TAS1R2: variants seen among roughly 807,000 people sequenced by gnomAD.
TAS1R2 encodes the protein taste receptor type 1 member 2.
In TAS1R2, 47 loss-of-function variants were observed where a neutral mutation model predicts 49.3. That is an observed-to-expected ratio of 0.95 (90% CI 0.75 to 1.22). The LOEUF is 1.22. Ranked by LOEUF, TAS1R2 falls within the 50% of genes most tolerant of loss-of-function variation. TAS1R2 has a pLI of 0.00. For synonymous variants in TAS1R2, 479 were observed against 467.9 expected, an observed-to-expected ratio of 1.02 and a Z score of -0.31; for missense variants, 1,155 against 1,122.1, an observed-to-expected ratio of 1.03 and a Z score of -0.42.
At chr1:18,839,865 G>A (rs558748408) in exon 6 of TAS1R2, 7 of 1,614,236 alleles carry the variant, frequency 4.3e-6, no homozygotes, top group African/African-American at 2.7e-5. Context: ...TTGGTGGGCA[G>A]CTCTTTGCCC....
At chr1:18,840,673 C>T in intron 5 of TAS1R2, 146 bp from the exon 6 acceptor site, 2 of 765,240 alleles carry the variant, frequency 2.6e-6, no homozygotes, top group South Asian at 1.8e-5. Context: ...CCTCAAGTCT[C>T]ATGTGCATTG....
chr1:18,839,780 A>AT lies in TAS1R2; in HGVS notation c.2338dup (p.Met780AsnfsTer?). The stretch of plus-strand genomic sequence containing the variant: ...GACCAGCACCCCGCTGTAGGCAGAC[A>AT]TGAAGGTGCAGAGGGAGACGGATGA... On this transcript the variant is annotated frameshift_variant, in exon 6 of 6. Transcript: ENST00000375371. LOFTEE classifies it high-confidence loss of function. 6.2e-7 allele frequency: 1 copy of AT among 1,614,252 alleles called. No individual in the cohort carries two copies. The highest frequency in any genetic ancestry group is 8.5e-7 in the Non-Finnish European group (1 of 1,180,044).
chr1:18,848,543 T>G (rs1933963489), intron 4 of TAS1R2, among the ~76,000 whole-genome samples: 1 of 135,274 alleles, frequency 7.4e-6, no homozygotes, highest in South Asian at 2.5e-4. Context: ...CCAGTACCAG[T>G]CTGTGGCCTG....
In TAS1R2 at chr1:18,854,769, A is replaced by T. The variant is rs752374810; in HGVS notation, c.701T>A (p.Ile234Asn). ...TGTGGGCAGCGTCTCCTGGAAGGCG[A>T]TGCAGATGTCGCGCCGGGCCACGCG... is the stretch of plus-strand genomic sequence containing the variant. The change falls in exon 3 of 6, where the codon ATC (isoleucine) becomes AAC (asparagine). Residue 234 changes from isoleucine to asparagine, a missense_variant. Physicochemically the swap from Ile to Asn is moderately radical, Grantham distance 149. Transcript: ENST00000375371. The surrounding 1 kb of genome is among the most constrained non-coding windows in gnomAD (Gnocchi z 4.9). 1 of 1,609,318 alleles carries T rather than the reference A, an allele frequency of 6.2e-7. No homozygotes were observed. The highest frequency in any genetic ancestry group is 8.5e-7 in the Non-Finnish European group (1 of 1,179,450).
rs113644277 is a variant in TAS1R2, at chr1:18,844,410, A to T, written c.1468-2558T>A. Among the ~76,000 whole-genome samples the T allele has an allele frequency of 9.8e-4, 150 of 152,308 alleles. 1 individual carries two copies. The highest frequency in any genetic ancestry group is 3.6e-3 in the African/African-American group (150 of 41,566). The stretch of plus-strand genomic sequence containing the variant: ...ATGAAGATCTCTGTGTCTCATGTTA[A>T]TGCAAACCAGAGAGCAAACACAGAG... On this transcript the variant is annotated intron_variant, in intron 4 of 5. Coordinates refer to ENST00000375371, the Ensembl canonical transcript of TAS1R2.
chr1:18,857,205 C>A lies in TAS1R2; in HGVS notation c.483+126G>T. ...ACCTTCTCAAGATTTGGGCTGATGT[C>A]CTGACCCTGCTTCTGGTCCTATCAT... On this transcript the variant is annotated intron_variant, in intron 2 of 5. Coordinates refer to ENST00000375371, the Ensembl canonical transcript of TAS1R2. 3.6e-6 allele frequency: 4 copies of A among 1,121,978 alleles called. 1 individual carries two copies. In the South Asian group the frequency reaches 6.5e-5, roughly 18 times the overall value. The allele number at this position is 1,121,978 out of a possible 1,614,324, so 69.5% of individuals were successfully genotyped here.
rs777434695 is a variant in TAS1R2, at chr1:18,855,035, T to C, written c.484-49A>G. The C allele has an allele frequency of 1.4e-5, 22 of 1,568,934 alleles. No homozygotes were observed. In the East Asian group the frequency reaches 5.0e-4, roughly 35 times the overall value. On this transcript the variant is annotated intron_variant, in intron 2 of 5. Coordinates refer to ENST00000375371, the Ensembl canonical transcript of TAS1R2. Reference sequence around the variant, plus strand: ...TGAGCGAGTGCCCCGCTGGGTGCTCTGCCCCCACCCCAGGGCTCTATCCAC... The same window carrying C: ...TGAGCGAGTGCCCCGCTGGGTGCTCCGCCCCCACCCCAGGGCTCTATCCAC...
chr1:18,849,488 C>A lies in TAS1R2; in HGVS notation c.1320G>T (p.Pro440=), dbSNP rs140357786. ...CCAAGTGCAGAGCCACGTCCCCTTGCGGGTCGAAGAAGATTTGGTGGTCCA... is the reference window on the plus strand; with the variant it reads ...CCAAGTGCAGAGCCACGTCCCCTTGAGGGTCGAAGAAGATTTGGTGGTCCA... Residue 440 remains proline, a synonymous_variant, in exon 4 of 6, where the codon CCG becomes CCT. Transcript: ENST00000375371. 33 of 1,614,080 alleles carry A rather than the reference C, an allele frequency of 2.0e-5. No individual in the cohort carries two copies. The East Asian group carries it at 5.6e-4, about 27-fold the overall frequency.
chr1:18,840,282 C>A, exon 6 of TAS1R2: 1 of 1,614,052 alleles, frequency 6.2e-7, no homozygotes, highest in South Asian at 1.1e-5. Context: ...ATGTATGCCA[C>A]CAGCAGCAGT....
chr1:18,858,163 A>G (rs1019978213), intron 1 of TAS1R2: 1 of 154,734 alleles, frequency 6.5e-6, no homozygotes, highest in Non-Finnish European at 1.4e-5. Context: ...ACCATCACCA[A>G]CGCCATCAGT....
chr1:18,841,999 A>AC, intron 4 of TAS1R2, 147 bp from the exon 5 acceptor site: 3 of 942,462 alleles, frequency 3.2e-6, no homozygotes, highest in Non-Finnish European at 3.0e-6. Context: ...AAAAAAAAAA[A>AC]CTCTCATGCT....
chr1:18,857,075 C>T (rs1194142012), intron 2 of TAS1R2, among the ~76,000 whole-genome samples: 2 of 152,194 alleles, frequency 1.3e-5, no homozygotes, highest in South Asian at 2.1e-4. Flanking sequence ...CTAGAAGAGT[C>T]AAGAGATTTG....
In TAS1R2 at chr1:18,854,280, T is replaced by C; in HGVS notation, c.1190A>G (p.His397Arg). ...ACAGCCGAGGAGGCTGTGCAGGGCATGGGCCACAGCATAGACCGCAGAGTA... is the reference window on the plus strand; with the variant it reads ...ACAGCCGAGGAGGCTGTGCAGGGCACGGGCCACAGCATAGACCGCAGAGTA... Residue 397 changes from histidine (H) to arginine (R), a missense_variant, in exon 3 of 6, where the codon CAT becomes CGT. Transcript: ENST00000375371. This position sits in a 1 kb window ranked among gnomAD's most constrained non-coding sequence, Gnocchi z 4.9. 2 of 1,614,170 alleles carry C rather than the reference T, an allele frequency of 1.2e-6. No homozygotes were observed. The highest frequency in any genetic ancestry group is 2.2e-5 in the South Asian group (2 of 91,080).
chr1:18,855,576 C>A (rs749575913), intron 2 of TAS1R2, among the ~76,000 whole-genome samples: 3 of 152,216 alleles, frequency 2.0e-5, no homozygotes, highest in Admixed American at 6.5e-5. Context: ...TGCTCTCCCC[C>A]TCCCTTGGTG....
chr1:18,847,389 G>C (rs1933939710), intron 4 of TAS1R2, among the ~76,000 whole-genome samples: 1 of 72,178 alleles, frequency 1.4e-5, no homozygotes, highest in South Asian at 4.3e-4. Flanking sequence ...ACCCCAGTCT[G>C]TGATACTTTG....
chr1:18,844,456 G>C (rs1175298245), intron 4 of TAS1R2, among the ~76,000 whole-genome samples: 1 of 152,186 alleles, frequency 6.6e-6, no homozygotes, highest in Non-Finnish European at 1.5e-5. Context: ...CAGATTAAAA[G>C]GTTGACTTGT....
At chr1:18,840,813 C>T (rs929420298) in intron 5 of TAS1R2, among the ~76,000 whole-genome samples, 17 of 152,340 alleles carry the variant, frequency 1.1e-4, no homozygotes, top group African/African-American at 3.4e-4. Flanking sequence ...TGACCCAGAG[C>T]CTACCAACTG....
intron 1 of TAS1R2, among the ~76,000 whole-genome samples, chr1:18,858,945 G>A (rs868461550): frequency 1.3e-5 from 2 of 152,020 alleles, no homozygotes; most frequent in South Asian, 2.1e-4. Context: ...CATGTCCTTC[G>A]TGCTTGCATG....
chr1:18,847,043 T>C (rs1933934702), intron 4 of TAS1R2, among the ~76,000 whole-genome samples: 1 of 152,148 alleles, frequency 6.6e-6, no homozygotes, highest in African/African-American at 2.4e-5. Context: ...TGACTGTAAA[T>C]TTTCTAAGGC....
Sources: allele counts gnomAD v4.1 joint callset (sites outside exome capture counted in the v4.1 genomes callset), GRCh38; gene constraint gnomAD v4.1.1; non-coding constraint Gnocchi (gnomAD v3.1); transcripts MANE v1.5; gene names NCBI Gene and HGNC (gene_info 2026-07-23, HGNC 2026-07-21).